The following TM2D3 variants were observed in gnomAD, a reference collection of about 807,000 sequenced individuals.
The protein encoded by TM2D3 is TM2 domain containing 3, also known as TM2 domain-containing protein 3.
A neutral mutation model predicts 27.3 loss-of-function variants in TM2D3; 33 were observed. The observed-to-expected ratio is 1.21, with a 90% CI of 0.92 to 1.61. The LOEUF (loss-of-function observed/expected upper bound fraction) is 1.61. TM2D3 is among the 40% of genes most tolerant of loss of function. TM2D3 has a pLI of 0.00. For synonymous variants in TM2D3, 138 were observed against 122.2 expected (o/e 1.13, Z -0.85); for missense variants, 364 against 320.8 (o/e 1.13, Z -1.03).
intron 5 of TM2D3, among the ~76,000 whole-genome samples, chr15:101,643,599 TAAAAAAAAAAAAAAAAAAAAAAAG>T (rs1417492155): frequency 4.6e-4 from 22 of 47,330 alleles, no homozygotes; most frequent in Admixed American, 2.4e-3. Context: ...GAGACTCCGT[TAAAAAAAAAAAAAAAAAAAAAAAG>T]CAAAAAAAAA....
downstream of TM2D3, among the ~76,000 whole-genome samples, chr15:101,638,200 A>G (rs1896589430): frequency 6.6e-6 from 1 of 152,128 alleles, no homozygotes; most frequent in African/African-American, 2.4e-5. Flanking sequence ...TCTTCCCAGC[A>G]GCCCTTTTCA....
In TM2D3 at chr15:101,649,966, A is replaced by G. The variant is rs200714408; in HGVS notation, c.327+38T>C. The G allele has an allele frequency of 7.6e-6, 12 of 1,581,032 alleles. No individual in the cohort carries two copies. In the East Asian group the frequency reaches 1.1e-4, roughly 15 times the overall value. On this transcript the variant is annotated intron_variant, in intron 3 of 5. Transcript: ENST00000333202. ...ATTGTTCTTCTAACTTAAAGTTTACAATGAATTTATTTAGAATAAGTAAGC... is the reference window on the plus strand; with the variant it reads ...ATTGTTCTTCTAACTTAAAGTTTACGATGAATTTATTTAGAATAAGTAAGC...
chr15:101,641,987 T>C lies in TM2D3; in HGVS notation c.*492A>G. 1 of 985,820 alleles carries C rather than the reference T, an allele frequency of 1.0e-6. No individual in the cohort carries two copies. Among genetic ancestry groups the C allele is most frequent in the Non-Finnish European group, 1.2e-6 (1 of 830,070 alleles). 61.1% of individuals were successfully genotyped at this position (985,820 alleles called of 1,614,324 possible). ...ATATACAGACCAGACTACATATGTA[T>C]TACACTGCAAAACTTACACATGACT... On this transcript the variant is annotated 3_prime_UTR_variant, in exon 6 of 6. Coordinates refer to ENST00000333202, the MANE Select transcript of TM2D3 (RefSeq NM_078474.3).
At chr15:101,640,965 C>T (rs1434902622), downstream of TM2D3, among the ~76,000 whole-genome samples, 1 of 152,216 alleles carries the variant, frequency 6.6e-6, no homozygotes, top group African/African-American at 2.4e-5. Context: ...CTATTTCCAC[C>T]AAGGGCAATG....
chr15:101,649,911 TCA>T, intron 3 of TM2D3, 91 bp downstream of exon 3: 1 of 1,227,484 alleles, frequency 8.1e-7, no homozygotes, highest in South Asian at 1.4e-5. Context: ...TAAAAATTCT[TCA>T]GAATTTCTTC....
At chr15:101,634,631 T>G (rs780199928) in intron 4 of TM2D3, 4 of 152,206 alleles carry the variant, frequency 2.6e-5, no homozygotes, top group Middle Eastern at 3.4e-3. Flanking sequence ...CCTGGACCAG[T>G]GGAATACACA....
intron 2 of TM2D3, chr15:101,650,478 T>C (rs558088743): frequency 3.6e-4 from 69 of 192,710 alleles, no homozygotes; most frequent in Non-Finnish European, 5.8e-4. Flanking sequence ...AAAAAAAGAC[T>C]ATCATTTTGT....
At chr15:101,651,406 G>A (rs1333581879) in intron 2 of TM2D3, 2 of 356,080 alleles carry the variant, frequency 5.6e-6, no homozygotes, top group Non-Finnish European at 1.0e-5. Flanking sequence ...AGGGAAAGAA[G>A]CACGGACTGA....
chr15:101,636,291 T>C (rs1896549275), intron 4 of TM2D3: 1 of 152,214 alleles, frequency 6.6e-6, no homozygotes, highest in Non-Finnish European at 1.5e-5. Flanking sequence ...AAGGAGTTTA[T>C]CTGGGATTGG....
intron 5 of TM2D3, among the ~76,000 whole-genome samples, chr15:101,643,089 G>C (rs1422401147): frequency 6.6e-6 from 1 of 152,012 alleles, no homozygotes; most frequent in Non-Finnish European, 1.5e-5. Context: ...ATCCTTAAAA[G>C]ATTTAAGGAT....
exon 5 of TM2D3, chr15:101,633,586 G>C (rs601741): frequency 0.051 from 55,462 of 1,091,570 alleles, 1,841 homozygotes; most frequent in African/African-American, 0.13. Flanking sequence ...CTGTGGTTAG[G>C]GACGCTCATC....
At chr15:101,644,978 T>C (rs1396334778) in intron 5 of TM2D3, 109 bp downstream of exon 5, 9 of 935,452 alleles carry the variant, frequency 9.6e-6, no homozygotes, top group Non-Finnish European at 1.5e-5. Flanking sequence ...CTAACACACG[T>C]GGTAGGATCT....
chr15:101,646,377 A>G, intron 4 of TM2D3: 1 of 107,240 alleles, frequency 9.3e-6, no homozygotes, highest in Non-Finnish European at 2.5e-5. Flanking sequence ...ACCTTGGAAG[A>G]GGAGGAAAGG....
chr15:101,643,108 T>C (rs1896710079), intron 5 of TM2D3, among the ~76,000 whole-genome samples: 1 of 152,110 alleles, frequency 6.6e-6, no homozygotes. Context: ...ATCTTTTAAA[T>C]TCTAAGATCT....
intron 4 of TM2D3, chr15:101,636,083 G>T (rs1429328038): frequency 1.3e-5 from 2 of 152,032 alleles, no homozygotes; most frequent in African/African-American, 2.4e-5. Flanking sequence ...TCACCTTATG[G>T]TGTGTATCAG....
chr15:101,633,650 C>T, exon 5 of TM2D3: 1 of 1,528,482 alleles, frequency 6.5e-7, no homozygotes, highest in South Asian at 1.2e-5. Flanking sequence ...TCACGCTCCT[C>T]AAAAATCCAC....
chr15:101,636,204 T>C (rs1896547069), intron 4 of TM2D3: 1 of 152,202 alleles, frequency 6.6e-6, no homozygotes, highest in Non-Finnish European at 1.5e-5. Flanking sequence ...TTTTTTACTA[T>C]GAATAATGGT....
downstream of TM2D3, among the ~76,000 whole-genome samples, chr15:101,639,166 G>A (rs1274962237): frequency 1.3e-5 from 2 of 152,192 alleles, no homozygotes; most frequent in Non-Finnish European, 2.9e-5. Context: ...CTAGTGCATA[G>A]CATCACTACA....
chr15:101,644,359 T>C (rs1337470751), intron 5 of TM2D3, among the ~76,000 whole-genome samples: 2 of 152,038 alleles, frequency 1.3e-5, no homozygotes, highest in South Asian at 2.1e-4. Context: ...TACTGACAAG[T>C]AGTAGGTAGA....
Sources: allele counts gnomAD v4.1 joint callset (sites outside exome capture counted in the v4.1 genomes callset), GRCh38; gene constraint gnomAD v4.1.1; transcripts MANE v1.5; gene names NCBI Gene and HGNC (gene_info 2026-07-23, HGNC 2026-07-21).